The following QRSL1 variants were observed in gnomAD, a reference collection of about 807,000 sequenced individuals.
QRSL1 encodes the protein glutamyl-tRNA(Gln) amidotransferase subunit A, mitochondrial.
A neutral mutation model predicts 61.6 loss-of-function variants in QRSL1; 54 were observed. The ratio of observed to expected loss-of-function variants is 0.88; its 90% CI spans 0.70 to 1.10. The LOEUF (loss-of-function observed/expected upper bound fraction) is 1.10, where lower values mean the gene tolerates loss of function less well. QRSL1 is among the 50% of genes least tolerant of loss of function. The pLI is 0.00. For missense variants in QRSL1, 505 were observed against 622.6 expected, an observed-to-expected ratio of 0.81 and a Z score of 2.01; for synonymous variants, 228 against 225.7, an observed-to-expected ratio of 1.01 and a Z score of -0.09.
intron 5 of QRSL1, among the ~76,000 whole-genome samples, chr6:106,650,233 A>G (rs1173399472): frequency 6.6e-6 from 1 of 152,208 alleles, no homozygotes. Flanking sequence ...ATTTTGACAC[A>G]TAATTCCTAT....
chr6:106,661,829 A>C (rs1777361367), intron 9 of QRSL1, among the ~76,000 whole-genome samples: 1 of 148,976 alleles, frequency 6.7e-6, no homozygotes. Context: ...CTCCTGCCTC[A>C]GCCTCCTGAG....
intron 9 of QRSL1, among the ~76,000 whole-genome samples, chr6:106,656,691 C>T (rs1380634091): frequency 6.6e-6 from 1 of 152,238 alleles, no homozygotes; most frequent in Non-Finnish European, 1.5e-5. Flanking sequence ...GGGTCTCACT[C>T]TGTCACCCAG....
At chr6:106,642,264 C>G (rs1312327204) in intron 3 of QRSL1, among the ~76,000 whole-genome samples, 5 of 152,210 alleles carry the variant, frequency 3.3e-5, no homozygotes, top group African/African-American at 9.7e-5. Flanking sequence ...CCACATTGGC[C>G]AGGCTGGTCT....
chr6:106,654,732 A>C lies in QRSL1; in HGVS notation c.852A>C (p.Glu284Asp). The C allele has an allele frequency of 6.2e-7, 1 of 1,605,268 alleles. No homozygotes were observed. ...GTATCTTGACTTTTTGCTATAAGGAATATCTTGTACCGGAATTATCAAGTG... is the reference window on the plus strand; with the variant it reads ...GTATCTTGACTTTTTGCTATAAGGACTATCTTGTACCGGAATTATCAAGTG... Reference protein sequence around the residue: ...VSKLCIGIPKEYLVPELSSEV... With the variant: ...VSKLCIGIPKDYLVPELSSEV... The change falls in exon 8 of 11, where the codon GAA becomes GAC. Residue 284 changes from glutamate (E) to aspartate (D), a missense_variant and splice_region_variant. Physicochemically the swap from Glu to Asp is conservative, Grantham distance 45. Transcript: ENST00000369046.
At position 106,663,110 on chromosome 6, in the gene QRSL1, T is replaced by A; in HGVS notation, c.1291T>A (p.Leu431Met). 6.2e-7 allele frequency: 1 copy of A among 1,614,182 alleles called. No homozygotes were observed. Among genetic ancestry groups the A allele is most frequent in the Non-Finnish European group, 8.5e-7 (1 of 1,180,004 alleles). Residue 431 changes from leucine (L) to methionine (M), a missense_variant, in exon 10 of 11, where the codon TTG becomes ATG. Leu to Met is a conservative substitution (Grantham distance 15, BLOSUM62 2). Coordinates refer to ENST00000369046, the MANE Select transcript of QRSL1 (RefSeq NM_018292.5). ...PTTLSEAVPY[L>M]EFIKEDNRTR... ...CACCTTGAGTGAGGCAGTACCATAC[T>A]TGGAGTTCATCAAAGAGGACAACAG... is the stretch of plus-strand genomic sequence containing the variant.
At chr6:106,639,369 C>T (rs1776981434) in intron 1 of QRSL1, among the ~76,000 whole-genome samples, 1 of 152,044 alleles carries the variant, frequency 6.6e-6, no homozygotes, top group Admixed American at 6.6e-5. Context: ...TGTGATCTAC[C>T]CGCCTTGGCC....
chr6:106,663,025 C>T lies in QRSL1; in HGVS notation c.1206C>T (p.Leu402=). ...YFVKAQKVRR[L]IANDFVNAFN... is the part of the protein sequence containing the mutation. ...TCAAAGCACAGAAAGTGAGACGCCT[C>T]ATTGCTAATGACTTTGTAAATGCTT... The change falls in exon 10 of 11, where the codon CTC becomes CTT. Residue 402 remains leucine (L), a synonymous_variant. Coordinates refer to ENST00000369046, the MANE Select transcript of QRSL1 (RefSeq NM_018292.5). The T allele has an allele frequency of 6.2e-7, 1 of 1,613,088 alleles. No individual in the cohort carries two copies. The highest frequency in any genetic ancestry group is 8.5e-7 in the Non-Finnish European group (1 of 1,179,010).
chr6:106,658,743 T>C (rs1348857469), intron 9 of QRSL1, among the ~76,000 whole-genome samples: 1 of 152,220 alleles, frequency 6.6e-6, no homozygotes, highest in Non-Finnish European at 1.5e-5. Flanking sequence ...AATTTGACTG[T>C]GATGTGCCTT....
chr6:106,634,526 G>T (rs947899567), intron 1 of QRSL1, among the ~76,000 whole-genome samples: 2 of 152,204 alleles, frequency 1.3e-5, no homozygotes, highest in Non-Finnish European at 2.9e-5. Context: ...CAACACTTTC[G>T]GAAGCTGAGG....
intron 4 of QRSL1, 66 bp from the exon 5 acceptor site, chr6:106,648,953 TATACTC>T: frequency 4.1e-6 from 6 of 1,473,270 alleles, no homozygotes; most frequent in Non-Finnish European, 5.5e-6. Context: ...AAGCAAATAA[TATACTC>T]AGAAGATGAA....
chr6:106,641,854 AT>A (rs1777025275), intron 3 of QRSL1, among the ~76,000 whole-genome samples: 1 of 152,238 alleles, frequency 6.6e-6, no homozygotes, highest in Non-Finnish European at 1.5e-5. Flanking sequence ...ATCATGCAAT[AT>A]TTTGTAGAAC....
intron 7 of QRSL1, among the ~76,000 whole-genome samples, chr6:106,654,490 A>G (rs1582417528): frequency 6.6e-6 from 1 of 152,132 alleles, no homozygotes; most frequent in Non-Finnish European, 1.5e-5. Flanking sequence ...CAGATCTCCA[A>G]TCTTTAATGT....
intron 1 of QRSL1, among the ~76,000 whole-genome samples, chr6:106,636,143 A>G (rs1264012144): frequency 1.3e-5 from 2 of 152,090 alleles, no homozygotes; most frequent in East Asian, 1.9e-4. Context: ...GGGATGCTCA[A>G]CTGGAAAGTA....
chr6:106,654,281 C>T (rs952303149), intron 7 of QRSL1, among the ~76,000 whole-genome samples: 6 of 151,552 alleles, frequency 4.0e-5, no homozygotes, highest in Non-Finnish European at 5.9e-5. Flanking sequence ...ACCCAGGAGG[C>T]GGAGCCTGCA....
At chr6:106,665,097 A>C (rs532903528) in intron 10 of QRSL1, among the ~76,000 whole-genome samples, 1 of 152,306 alleles carries the variant, frequency 6.6e-6, no homozygotes, top group East Asian at 1.9e-4. Flanking sequence ...TTTGGCCAAT[A>C]AGAGCCCCTT....
At chr6:106,645,222 TTTTAGAATAAG>T (rs1777088988) in intron 4 of QRSL1, among the ~76,000 whole-genome samples, 1 of 152,218 alleles carries the variant, frequency 6.6e-6, no homozygotes, top group Admixed American at 6.5e-5. Context: ...TTCTGATATG[TTTTAGAATAAG>T]CTTGCTAATT....
chr6:106,643,345 T>G (rs9400041), intron 4 of QRSL1, among the ~76,000 whole-genome samples: 80,075 of 152,052 alleles, frequency 0.53, 21,560 homozygotes, highest in Non-Finnish European at 0.57. Flanking sequence ...TGAAGTAGCT[T>G]TTCAAATTCT....
At chr6:106,630,187 G>GT (rs1776790834) in intron 1 of QRSL1, among the ~76,000 whole-genome samples, 1 of 152,120 alleles carries the variant, frequency 6.6e-6, no homozygotes, top group African/African-American at 2.4e-5. Flanking sequence ...TTCCTAACCC[G>GT]TGTCTCCATG....
At position 106,639,111 on chromosome 6, in the gene QRSL1, G is replaced by GTTTTTTTTTTTTTT. The variant is rs1562164982; in HGVS notation, c.25-1234_25-1233insTTTTTTTTTTTTTT. Reference sequence around the variant, plus strand: ...ACCTAACTTGTGTGGTTATTTGTGTGTTTTGTTGTTTTTTTTTTTTTTTTT... The same window carrying GTTTTTTTTTTTTTT: ...ACCTAACTTGTGTGGTTATTTGTGTGTTTTTTTTTTTTTTTTTTGTTGTTTTTTTTTTTTTTTTT... On this transcript the variant is annotated intron_variant, in intron 1 of 10. Transcript: ENST00000369046. Among the ~76,000 whole-genome samples, 41 of 60,746 alleles carry GTTTTTTTTTTTTTT rather than the reference G, an allele frequency of 6.7e-4. 2 individuals carry two copies. Among genetic ancestry groups the GTTTTTTTTTTTTTT allele is most frequent in the African/African-American group, 2.7e-3 (40 of 14,936 alleles). 39.9% of individuals were successfully genotyped at this position (60,746 alleles called of 152,430 possible). A position where few individuals can be genotyped will look rare whatever the true frequency, so the allele number is the denominator to read the frequency against.
Sources: gnomAD v4.1 joint callset for allele counts (sites outside exome capture counted in the v4.1 genomes callset) on GRCh38, gnomAD v4.1.1 for gene constraint, MANE v1.5 for transcripts, NCBI Gene and HGNC (gene_info 2026-07-23, HGNC 2026-07-21) for gene names.